Variants in SNX12 observed in about 807,000 individuals in gnomAD.
SNX12 encodes the protein sorting nexin 12.
For missense variants in SNX12, 62 were observed against 141.3 expected (o/e 0.44, Z 2.84); for synonymous variants, 47 against 56.0 (o/e 0.84, Z 0.71).
upstream of SNX12, among the ~76,000 whole-genome samples, chrX:71,068,648 G>A: frequency 8.8e-6 from 1 of 113,100 alleles, no homozygotes. Context: ...CTCAACCCAA[G>A]AAATTGTCTC....
chrX:71,061,811 T>TAG lies in SNX12; in HGVS notation c.386+30_386+31dup, dbSNP rs1422619803. The TAG allele has an allele frequency of 1.4e-5, 17 of 1,185,231 alleles. No individual in the cohort carries two copies. In the Admixed American group the frequency reaches 2.6e-4, roughly 18 times the overall value. ...TATAGAAAGACTACGATGGCAAAAG[T>TAG]AGCAAGTGGAGCCCCCAGGAACTTG... On this transcript the variant is annotated intron_variant, in intron 3 of 3. Coordinates refer to ENST00000374274, the MANE Select transcript of SNX12 (RefSeq NM_013346.4).
upstream of SNX12, among the ~76,000 whole-genome samples, chrX:71,069,467 C>T (rs759290317): frequency 6.2e-5 from 7 of 112,390 alleles, no homozygotes; most frequent in Non-Finnish European, 1.1e-4. Flanking sequence ...GTAAACAAAA[C>T]TAATATAATG....
At chrX:71,068,011 ATAC>A in intron 1 of SNX12, 128 bp downstream of exon 1, 1 of 556,772 alleles carries the variant, frequency 1.8e-6, no homozygotes, top group Non-Finnish European at 2.7e-6. Context: ...CAAGCCTATT[ATAC>A]CCCTAACCCC....
chrX:71,072,779 G>T (rs2092176957), upstream of SNX12, among the ~76,000 whole-genome samples: 1 of 110,895 alleles, frequency 9.0e-6, no homozygotes, highest in Non-Finnish European at 1.9e-5. Flanking sequence ...TCACAATGAG[G>T]TGTAAATAAA....
chrX:71,072,070 C>T (rs2092175590), upstream of SNX12, among the ~76,000 whole-genome samples: 1 of 110,311 alleles, frequency 9.1e-6, no homozygotes, highest in South Asian at 3.8e-4. Context: ...CCAGCCTGGG[C>T]AACACGGTGA....
rs1163398678 is a variant in SNX12, at chrX:71,060,835, G to A, written c.*181C>T. 1.1e-5 allele frequency: 2 copies of A among 178,206 alleles called. No individual in the cohort carries two copies. The highest frequency in any genetic ancestry group is 9.0e-5 in the African/African-American group (2 of 22,151). The allele number at this position is 178,206 out of a possible 1,213,427, so 14.7% of individuals were successfully genotyped here. On this transcript the variant is annotated 3_prime_UTR_variant, in exon 4 of 4. Transcript: ENST00000374274. ...GCCTGTGGGTTCCCACCTCTCCTCAGAGAAGAGGATCCTAGCAGAGTGCCC... is the reference window on the plus strand; with the variant it reads ...GCCTGTGGGTTCCCACCTCTCCTCAAAGAAGAGGATCCTAGCAGAGTGCCC...
chrX:71,061,257 C>A, intron 3 of SNX12, 139 bp from the exon 4 acceptor site: 1 of 483,770 alleles, frequency 2.1e-6, no homozygotes, highest in Admixed American at 3.1e-5. Context: ...AGGGTACCAC[C>A]TCAACCCTAA....
chrX:71,066,872 A>C (rs1420819112), intron 1 of SNX12, among the ~76,000 whole-genome samples: 1 of 111,428 alleles, frequency 9.0e-6, no homozygotes, highest in Non-Finnish European at 1.9e-5. Context: ...TTTGCTATTC[A>C]CTTTTCTTTC....
At position 71,061,915 on chromosome X, in the gene SNX12, C is replaced by T. The variant is rs1204343773; in HGVS notation, c.314G>A (p.Arg105Gln). The T allele has an allele frequency of 1.7e-6, 2 of 1,201,603 alleles. No individual in the cohort carries two copies. Among genetic ancestry groups the T allele is most frequent in the East Asian group, 3.0e-5 (1 of 33,608 alleles). Residue 105 changes from arginine to glutamine, a missense_variant, in exon 3 of 4, where the codon CGA becomes CAA. Transcript: ENST00000374274. ...GKALKRQLPFRGDEGIFEESF... is the reference protein window; with the variant it reads ...GKALKRQLPFQGDEGIFEESF... ...CTCCTCAAAGATCCCTTCATCTCCT[C>T]GGAAAGGGAGCTGCCGCTTCAAGGC...
chrX:71,059,770 GCAAA>G lies in SNX12; in HGVS notation c.*1242_*1245del, dbSNP rs1270472089. On this transcript the variant is annotated 3_prime_UTR_variant, in exon 4 of 4. Coordinates refer to ENST00000374274, the MANE Select transcript of SNX12 (RefSeq NM_013346.4). Reference sequence around the variant, plus strand: ...CACTTGGGACAGACGTTGGGCCCCAGCAAACAAACCACCCCCTCCAAGACAGAAA... The same window carrying G: ...CACTTGGGACAGACGTTGGGCCCCAGCAAACCACCCCCTCCAAGACAGAAA... 1 of 111,308 alleles carries G rather than the reference GCAAA, an allele frequency of 9.0e-6. No homozygotes were observed. The highest frequency in any genetic ancestry group is 2.8e-4 in the East Asian group (1 of 3,568). 9.2% of individuals were successfully genotyped at this position (111,308 alleles called of 1,213,427 possible).
chrX:71,063,786 G>A (rs923620295), intron 1 of SNX12, among the ~76,000 whole-genome samples: 1 of 109,680 alleles, frequency 9.1e-6, no homozygotes, highest in African/African-American at 3.3e-5. Context: ...GGCAGTGCTC[G>A]CTTGTGGTCC....
intron 1 of SNX12, among the ~76,000 whole-genome samples, chrX:71,064,601 A>G (rs1252358422): frequency 7.1e-5 from 8 of 112,635 alleles, no homozygotes; most frequent in Non-Finnish European, 5.6e-5. Context: ...TTGCTCCCTG[A>G]TATAAATCAG....
upstream of SNX12, among the ~76,000 whole-genome samples, chrX:71,072,290 G>A (rs768456162): frequency 2.6e-3 from 280 of 108,903 alleles, no homozygotes; most frequent in Non-Finnish European, 4.8e-3. Flanking sequence ...TCGTGAAGGA[G>A]ATCAGGAAGG....
upstream of SNX12, among the ~76,000 whole-genome samples, chrX:71,073,065 CACACACACAAA>C (rs1179747691): frequency 1.8e-5 from 2 of 110,442 alleles, no homozygotes; most frequent in Non-Finnish European, 1.9e-5. Context: ...CACACACACA[CACACACACAAA>C]GAGTAGCTGA....
intron 1 of SNX12, among the ~76,000 whole-genome samples, chrX:71,066,348 G>C (rs776695851): frequency 1.8e-5 from 2 of 111,666 alleles, no homozygotes; most frequent in East Asian, 5.7e-4. Context: ...CCAGCCCTTT[G>C]GGAGGCCGAG....
At chrX:71,073,199 T>G (rs1471291212), upstream of SNX12, 1 of 111,279 alleles carries the variant, frequency 9.0e-6, no homozygotes, top group Non-Finnish European at 1.9e-5. Flanking sequence ...ATGGGGGCGG[T>G]GAGAAATGGA....
At position 71,060,844 on chromosome X, in the gene SNX12, A is replaced by G. The variant is rs1448775684; in HGVS notation, c.*172T>C. On this transcript the variant is annotated 3_prime_UTR_variant, in exon 4 of 4. Coordinates refer to ENST00000374274, the MANE Select transcript of SNX12 (RefSeq NM_013346.4). ...TTCCCACCTCTCCTCAGAGAAGAGG[A>G]TCCTAGCAGAGTGCCCACATGGTGT... is the stretch of plus-strand genomic sequence containing the variant. 3.8e-6 allele frequency: 1 copy of G among 262,096 alleles called. No individual in the cohort carries two copies. Among genetic ancestry groups the G allele is most frequent in the Non-Finnish European group, 6.9e-6 (1 of 144,586 alleles). 21.6% of individuals were successfully genotyped at this position (262,096 alleles called of 1,213,427 possible).
rs1000118751 is a variant in SNX12 at position 71,059,807 on chromosome X, A to G, written c.*1209T>C. On this transcript the variant is annotated 3_prime_UTR_variant, in exon 4 of 4. Transcript: ENST00000374274. Reference sequence around the variant, plus strand: ...CCCCCTCCAAGACAGAAACCAGGATAGTTGCCAGCCTCAAGAAGCTGCTTC... The same window carrying G: ...CCCCCTCCAAGACAGAAACCAGGATGGTTGCCAGCCTCAAGAAGCTGCTTC... 1 of 111,831 alleles carries G rather than the reference A, an allele frequency of 8.9e-6. No individual in the cohort carries two copies. Among genetic ancestry groups the G allele is most frequent in the Non-Finnish European group, 1.9e-5 (1 of 53,224 alleles). The allele number at this position is 111,831 out of a possible 1,213,427, so 9.2% of individuals were successfully genotyped here. A position where few individuals can be genotyped will look rare whatever the true frequency, so the allele number is the denominator to read the frequency against.
At chrX:71,072,714 G>A (rs1422902442), upstream of SNX12, among the ~76,000 whole-genome samples, 2 of 111,408 alleles carry the variant, frequency 1.8e-5, no homozygotes, top group Non-Finnish European at 3.8e-5. Context: ...ATATAGGTGA[G>A]TGACAAGATA....
Sources: allele counts gnomAD v4.1 joint callset (sites outside exome capture counted in the v4.1 genomes callset), GRCh38; gene constraint gnomAD v4.1.1; transcripts MANE v1.5; gene names NCBI Gene and HGNC (gene_info 2026-07-23, HGNC 2026-07-21).